Variants in CCDC73 observed in about 807,000 individuals in gnomAD.
The protein encoded by CCDC73 is coiled-coil domain-containing protein 73.
Under a neutral mutation model 116.5 loss-of-function variants are expected in CCDC73, and 95 were observed. That is an observed-to-expected ratio of 0.82 (90% confidence interval 0.69 to 0.97). CCDC73 has a LOEUF of 0.97. Ranked by LOEUF, CCDC73 falls within the 50% of genes least tolerant of loss-of-function variation. The pLI is 0.00. For missense variants in CCDC73, 1,066 were observed against 1,206.8 expected, an observed-to-expected ratio of 0.88 and a Z score of 1.73; for synonymous variants, 398 against 401.3, an observed-to-expected ratio of 0.99 and a Z score of 0.10.
chr11:32,718,376 G>C (rs759284328), intron 2 of CCDC73, among the ~76,000 whole-genome samples: 3 of 152,172 alleles, frequency 2.0e-5, no homozygotes, highest in Non-Finnish European at 4.4e-5. Context: ...ACAGAACCCT[G>C]ACATTTGCTT....
intron 1 of CCDC73, among the ~76,000 whole-genome samples, chr11:32,761,776 C>G (rs535888159): frequency 6.6e-6 from 1 of 152,088 alleles, no homozygotes; most frequent in Admixed American, 6.6e-5. Context: ...CACACACACA[C>G]GCAGAGAGAG....
the CCDC73 span, chr11:32,830,388 G>T: frequency 1.3e-5 from 12 of 938,892 alleles, no homozygotes; most frequent in Admixed American, 3.8e-4. Flanking sequence ...CCGAAACCGC[G>T]CGCCGGGCGC....
chr11:32,744,755 C>A (rs955261662), intron 2 of CCDC73, among the ~76,000 whole-genome samples: 2 of 152,144 alleles, frequency 1.3e-5, no homozygotes, highest in Non-Finnish European at 2.9e-5. Flanking sequence ...GTCGTCATAT[C>A]CCCTTTATCA....
chr11:32,825,078 C>T, the CCDC73 span, among the ~76,000 whole-genome samples: 1 of 152,150 alleles, frequency 6.6e-6, no homozygotes, highest in Non-Finnish European at 1.5e-5. Flanking sequence ...GAGTGAGACC[C>T]TGTCTCCAGA....
At chr11:32,815,857 T>A in the CCDC73 span, among the ~76,000 whole-genome samples, 3 of 152,178 alleles carry the variant, frequency 2.0e-5, no homozygotes, top group Non-Finnish European at 1.5e-5. Flanking sequence ...CCTCAGACAA[T>A]CCTGCCCTTT....
chr11:32,643,442 C>T (rs550118201), intron 12 of CCDC73, among the ~76,000 whole-genome samples: 1 of 152,138 alleles, frequency 6.6e-6, no homozygotes, highest in East Asian at 1.9e-4. Flanking sequence ...ACTGTATGAA[C>T]ATCATAGAGT....
At chr11:32,766,580 T>C (rs2133383044) in intron 1 of CCDC73, among the ~76,000 whole-genome samples, 1 of 152,304 alleles carries the variant, frequency 6.6e-6, no homozygotes, top group East Asian at 1.9e-4. Flanking sequence ...GCCCAAAATC[T>C]CCTTAAGCTG....
At chr11:32,749,395 A>C (rs1850267266) in intron 2 of CCDC73, among the ~76,000 whole-genome samples, 1 of 151,868 alleles carries the variant, frequency 6.6e-6, no homozygotes. Flanking sequence ...CAATCTCTTT[A>C]TTAAATTTAT....
At chr11:32,742,312 C>T (rs1456163192) in intron 2 of CCDC73, among the ~76,000 whole-genome samples, 3 of 152,214 alleles carry the variant, frequency 2.0e-5, no homozygotes, top group Non-Finnish European at 4.4e-5. Context: ...ACCTCTCCAG[C>T]ATCTGCTGTT....
rs139556189 is a variant in CCDC73, at chr11:32,732,875, A to G, written c.136-14728T>C. ...ACTGCATCAACTAAGAAGCAAAATA[A>G]CCAGCTAACATCATAATGATAGGAT... On this transcript the variant is annotated intron_variant, in intron 2 of 17. Coordinates refer to ENST00000335185, the MANE Select transcript of CCDC73 (RefSeq NM_001008391.4). Among the ~76,000 whole-genome samples the G allele has an allele frequency of 7.1e-3, 1,088 of 152,244 alleles. 17 individuals are homozygous for G. Among genetic ancestry groups the G allele is most frequent in the African/African-American group, 0.025 (1,049 of 41,544 alleles).
the CCDC73 span, among the ~76,000 whole-genome samples, chr11:32,811,297 T>C: frequency 6.6e-6 from 1 of 152,234 alleles, no homozygotes; most frequent in Non-Finnish European, 1.5e-5. Flanking sequence ...CTTATAGTTT[T>C]ATTGCATGTG....
chr11:32,621,648 G>T (rs2133228319), intron 14 of CCDC73, among the ~76,000 whole-genome samples: 1 of 152,194 alleles, frequency 6.6e-6, no homozygotes, highest in East Asian at 1.9e-4. Flanking sequence ...AAAAGCAACT[G>T]CAACAAAAGC....
chr11:32,698,443 T>C (rs1849777003), intron 6 of CCDC73, among the ~76,000 whole-genome samples: 1 of 152,222 alleles, frequency 6.6e-6, no homozygotes, highest in Non-Finnish European at 1.5e-5. Flanking sequence ...GAAAATTACA[T>C]AGGTGAAGTT....
intron 2 of CCDC73, 143 bp from the exon 3 acceptor site, chr11:32,718,290 G>C: frequency 1.7e-6 from 1 of 589,332 alleles, no homozygotes; most frequent in South Asian, 2.2e-5. Context: ...AAATTAAATA[G>C]ACAAGTCCAT....
intron 1 of CCDC73, among the ~76,000 whole-genome samples, chr11:32,763,790 A>G (rs1850414550): frequency 6.6e-6 from 1 of 152,234 alleles, no homozygotes; most frequent in Non-Finnish European, 1.5e-5. Context: ...TTGAGAGAAG[A>G]AGGCTTCAGA....
At chr11:32,735,260 T>C (rs1348912073) in intron 2 of CCDC73, among the ~76,000 whole-genome samples, 1 of 152,126 alleles carries the variant, frequency 6.6e-6, no homozygotes, top group Non-Finnish European at 1.5e-5. Context: ...TGATTGTATA[T>C]TTAGAAAACC....
intron 7 of CCDC73, 29 bp downstream of exon 7, chr11:32,683,507 G>A (rs370660513): frequency 1.4e-6 from 2 of 1,432,780 alleles, no homozygotes; most frequent in Non-Finnish European, 2.0e-6. Flanking sequence ...AATCCAGATG[G>A]GGGAAAATAT....
At chr11:32,619,092 A>G (rs569846716) in intron 14 of CCDC73, among the ~76,000 whole-genome samples, 28 of 152,182 alleles carry the variant, frequency 1.8e-4, no homozygotes, top group Non-Finnish European at 3.7e-4. Context: ...CCTTTGTCAG[A>G]TACATTGTTT....
intron 16 of CCDC73, 87 bp from the exon 17 acceptor site, chr11:32,611,352 T>C (rs1855421051): frequency 8.5e-7 from 1 of 1,181,522 alleles, no homozygotes. Context: ...TCCTATGCTT[T>C]TGTATTTAAA....
Sources: gnomAD v4.1 joint callset for allele counts (sites outside exome capture counted in the v4.1 genomes callset) on GRCh38, gnomAD v4.1.1 for gene constraint, MANE v1.5 for transcripts, NCBI Gene and HGNC (gene_info 2026-07-23, HGNC 2026-07-21) for gene names.